Variants in ARHGEF7 observed in about 807,000 individuals in gnomAD.
The protein encoded by ARHGEF7 is PAK-interacting exchange factor beta.
A neutral mutation model predicts 109.8 loss-of-function variants in ARHGEF7; 33 were observed. That is an observed-to-expected ratio of 0.30 (90% confidence interval 0.23 to 0.40). The LOEUF (loss-of-function observed/expected upper bound fraction) is 0.40, where lower values mean the gene tolerates loss of function less well. ARHGEF7 is among the 10% of genes least tolerant of loss of function. The pLI, the probability that ARHGEF7 is intolerant of heterozygous loss-of-function variation, is 1.00. For synonymous variants in ARHGEF7, 458 were observed against 424.6 expected (o/e 1.08, Z -0.97); for missense variants, 938 against 1,098.5 (o/e 0.85, Z 2.07).
At chr13:111,256,700 T>G (rs138194809) in intron 8 of ARHGEF7, among the ~76,000 whole-genome samples, 1 of 152,342 alleles carries the variant, frequency 6.6e-6, no homozygotes, top group East Asian at 1.9e-4. Flanking sequence ...TAGTGTATCT[T>G]TAACTCTTCC....
At chr13:111,247,611 T>TA (rs1267032436) in intron 8 of ARHGEF7, among the ~76,000 whole-genome samples, 2 of 152,090 alleles carry the variant, frequency 1.3e-5, no homozygotes, top group Non-Finnish European at 2.9e-5. Flanking sequence ...TTTTCGTCTC[T>TA]ACACAGACTT....
intron 1 of ARHGEF7, chr13:111,143,915 T>C (rs1216565865): frequency 1.3e-5 from 2 of 152,278 alleles, no homozygotes; most frequent in African/African-American, 4.8e-5. Flanking sequence ...GACTCAATGG[T>C]GAAATGTATT....
At chr13:111,148,118 G>T (rs1448266329) in intron 1 of ARHGEF7, among the ~76,000 whole-genome samples, 4 of 152,230 alleles carry the variant, frequency 2.6e-5, no homozygotes, top group Non-Finnish European at 5.9e-5. Flanking sequence ...TTGCCATGCT[G>T]TGTGCAAGCT....
Position 111,115,525 on chromosome 13 carries a change from C to G in ARHGEF7, c.-2C>G, listed in dbSNP as rs145732000. ...TCCCCGCCTGCCTCCCGGGCCGCAG[C>G]GATGAATTCCGCCGAGCAAACCGTT... is the stretch of plus-strand genomic sequence containing the variant. On this transcript the variant is annotated 5_prime_UTR_variant, in exon 1 of 22. Transcript: ENST00000646102. 8 of 1,354,692 alleles carry G rather than the reference C, an allele frequency of 5.9e-6. No individual in the cohort carries two copies. The highest frequency in any genetic ancestry group is 7.7e-6 in the Non-Finnish European group (8 of 1,032,880). The allele number at this position is 1,354,692 out of a possible 1,614,324, so 83.9% of individuals were successfully genotyped here. A position where few individuals can be genotyped will look rare whatever the true frequency, so the allele number is the denominator to read the frequency against.
intron 17 of ARHGEF7, 96 bp downstream of exon 17, chr13:111,286,336 A>G: frequency 2.0e-6 from 2 of 1,011,742 alleles, no homozygotes. Context: ...GGCTTTCTGA[A>G]GACTCCAAAC....
intron 6 of ARHGEF7, 111 bp from the exon 7 acceptor site, chr13:111,243,761 A>AGAAGTAACAGTGT (rs1332616304): frequency 1.5e-6 from 1 of 667,642 alleles, no homozygotes; most frequent in African/African-American, 1.8e-5. Context: ...AGTATTACAT[A>AGAAGTAACAGTGT]GAAGTAACAG....
At chr13:111,280,460 T>C in intron 14 of ARHGEF7, 78 bp from the exon 15 acceptor site, 1 of 1,581,034 alleles carries the variant, frequency 6.3e-7, no homozygotes, top group Non-Finnish European at 8.6e-7. Context: ...AAGCGCTGAG[T>C]GGAATTCTGG....
intron 2 of ARHGEF7, among the ~76,000 whole-genome samples, chr13:111,197,043 T>G (rs1381451845): frequency 6.6e-6 from 1 of 152,200 alleles, no homozygotes; most frequent in East Asian, 1.9e-4. Flanking sequence ...TGTTGATGCC[T>G]GAGTGTTTCC....
At chr13:111,300,967 A>G in intron 20 of ARHGEF7, 120 bp downstream of exon 20, 1 of 534,716 alleles carries the variant, frequency 1.9e-6, no homozygotes, top group Non-Finnish European at 3.3e-6. Context: ...TTTTTTTTTG[A>G]GACGGAGTGT....
chr13:111,179,133 C>G (rs994534547), intron 2 of ARHGEF7, among the ~76,000 whole-genome samples: 2 of 150,414 alleles, frequency 1.3e-5, no homozygotes, highest in Non-Finnish European at 1.5e-5. Flanking sequence ...GGTTGGAGTG[C>G]AGTAGTGCAA....
chr13:111,140,403 CG>C, intron 1 of ARHGEF7, among the ~76,000 whole-genome samples: 1 of 152,216 alleles, frequency 6.6e-6, no homozygotes, highest in East Asian at 1.9e-4. Context: ...ATCAGGTCAT[CG>C]GGGAGGTGTT....
chr13:111,149,200 A>G (rs1237756356), intron 1 of ARHGEF7, among the ~76,000 whole-genome samples: 1 of 152,120 alleles, frequency 6.6e-6, no homozygotes, highest in Non-Finnish European at 1.5e-5. Context: ...GCTTGAGCCC[A>G]GGAGTTCAAG....
intron 2 of ARHGEF7, among the ~76,000 whole-genome samples, chr13:111,162,408 A>G (rs1594137301): frequency 1.3e-5 from 2 of 152,328 alleles, no homozygotes; most frequent in Admixed American, 1.3e-4. Context: ...AGAAATTTGC[A>G]GTGTTATCAG....
intron 16 of ARHGEF7, among the ~76,000 whole-genome samples, chr13:111,284,281 T>A (rs1008027393): frequency 6.6e-6 from 1 of 152,182 alleles, no homozygotes; most frequent in Non-Finnish European, 1.5e-5. Flanking sequence ...TGGAGCAGAC[T>A]TTTTCTACAT....
chr13:111,153,113 A>G (rs2075982406), intron 1 of ARHGEF7, among the ~76,000 whole-genome samples: 1 of 152,256 alleles, frequency 6.6e-6, no homozygotes, highest in South Asian at 2.1e-4. Context: ...CAACATGCAT[A>G]ATTTATGTTG....
chr13:111,254,414 A>G (rs7989901), intron 8 of ARHGEF7, among the ~76,000 whole-genome samples: 2,273 of 130,744 alleles, frequency 0.017, 374 homozygotes, highest in South Asian at 0.031. Context: ...GCGCTGAGTC[A>G]CTAACATGAA....
At chr13:111,214,478 C>T (rs190826679) in intron 4 of ARHGEF7, among the ~76,000 whole-genome samples, 108 of 152,352 alleles carry the variant, frequency 7.1e-4, no homozygotes, top group African/African-American at 2.4e-3. Flanking sequence ...CCGGCGTGCC[C>T]AGGTGACGTT....
intron 18 of ARHGEF7, among the ~76,000 whole-genome samples, chr13:111,291,096 C>G (rs1187054834): frequency 2.0e-5 from 3 of 152,224 alleles, no homozygotes; most frequent in Admixed American, 1.3e-4. Context: ...TGATGTAGTT[C>G]TCGCAGTCTG....
chr13:111,170,468 C>T (rs1036637974), intron 2 of ARHGEF7, among the ~76,000 whole-genome samples: 12 of 152,228 alleles, frequency 7.9e-5, no homozygotes, highest in African/African-American at 2.7e-4. Flanking sequence ...CATTTTCTTC[C>T]TTCTTACTGG....
Sources: gnomAD v4.1 joint callset for allele counts (sites outside exome capture counted in the v4.1 genomes callset) on GRCh38, gnomAD v4.1.1 for gene constraint, MANE v1.5 for transcripts, NCBI Gene and HGNC (gene_info 2026-07-23, HGNC 2026-07-21) for gene names.